Variants in NUDCD2 observed in about 807,000 individuals in gnomAD.
NUDCD2 encodes the protein NudC domain containing 2, also known as nudC domain-containing protein 2.
In NUDCD2, 16 loss-of-function variants were observed where a neutral mutation model predicts 20.8. The observed-to-expected ratio is 0.77, with a 90% CI of 0.52 to 1.17. NUDCD2 has a LOEUF of 1.17. Among genes scored for constraint, NUDCD2 ranks in the 50% most tolerant of loss-of-function variants. The probability of loss-of-function intolerance (pLI) is 0.00; values close to 1 mark genes in which losing one functional copy is unlikely to be tolerated. For synonymous variants in NUDCD2, 87 were observed against 72.8 expected, an observed-to-expected ratio of 1.20 and a Z score of -1.00; for missense variants, 199 against 193.9, an observed-to-expected ratio of 1.03 and a Z score of -0.16.
chr5:163,447,509 C>A lies in NUDCD2; in HGVS notation c.*6458G>T, dbSNP rs952146360. On this transcript the variant is annotated 3_prime_UTR_variant, in exon 4 of 4. Coordinates refer to ENST00000302764, the MANE Select transcript of NUDCD2 (RefSeq NM_145266.6). ...TTAAAAGGAGGACTGGACAAATCTT[C>A]ATTTACAGTTGGAAACTTAAACATT... The A allele has an allele frequency of 1.3e-5, 2 of 150,630 alleles. No individual in the cohort carries two copies. Among genetic ancestry groups the A allele is most frequent in the African/African-American group, 4.9e-5 (2 of 41,050 alleles). 9.3% of individuals were successfully genotyped at this position (150,630 alleles called of 1,614,324 possible).
chr5:163,454,469 G>A (rs781444458), intron 3 of NUDCD2, among the ~76,000 whole-genome samples: 1 of 152,102 alleles, frequency 6.6e-6, no homozygotes, highest in Admixed American at 6.5e-5. Flanking sequence ...AGCCTCCCGA[G>A]TAGCTGCGAT....
chr5:163,458,839 T>G (rs299288), intron 1 of NUDCD2, among the ~76,000 whole-genome samples: 41,101 of 151,952 alleles, frequency 0.27, 5,682 homozygotes, highest in East Asian at 0.5. Context: ...AAAACCATTG[T>G]TGAGGAAACT....
rs1758210280 is a variant in NUDCD2, at chr5:163,452,861, G to GA, written c.*1105dup. ...CTAAGTTGTAAAAGGAAACAAATGAGAATTTGTTCCAGAATGAAGTAAACT... is the reference window on the plus strand; with the variant it reads ...CTAAGTTGTAAAAGGAAACAAATGAGAAATTTGTTCCAGAATGAAGTAAACT... On this transcript the variant is annotated 3_prime_UTR_variant, in exon 4 of 4. Transcript: ENST00000302764. 6.6e-6 allele frequency: 1 copy of GA among 152,146 alleles called. No individual in the cohort carries two copies. 9.4% of individuals were successfully genotyped at this position (152,146 alleles called of 1,614,324 possible).
rs1344225778 is a variant in NUDCD2, at chr5:163,448,983, A to G, written c.*4984T>C. ...CAAAGGGAATTTAAGAAAAGCCTAC[A>G]GCTTGCATACATAATGGTCAAAAAC... On this transcript the variant is annotated 3_prime_UTR_variant, in exon 4 of 4. Transcript: ENST00000302764. 4 of 152,238 alleles carry G rather than the reference A, an allele frequency of 2.6e-5. No homozygotes were observed. Among genetic ancestry groups the G allele is most frequent in the East Asian group, 3.8e-4 (2 of 5,202 alleles). 9.4% of individuals were successfully genotyped at this position (152,238 alleles called of 1,614,324 possible). A position where few individuals can be genotyped will look rare whatever the true frequency, so the allele number is the denominator to read the frequency against.
Position 163,446,991 on chromosome 5 carries a change from G to A in NUDCD2, c.*6976C>T, listed in dbSNP as rs1346269106. 1.3e-5 allele frequency: 2 copies of A among 152,224 alleles called. No homozygotes were observed. Among genetic ancestry groups the A allele is most frequent in the Non-Finnish European group, 1.5e-5 (1 of 68,054 alleles). 9.4% of individuals were successfully genotyped at this position (152,224 alleles called of 1,614,324 possible). A position where few individuals can be genotyped will look rare whatever the true frequency, so the allele number is the denominator to read the frequency against. ...ACTGCTCTCCAACCTGGGCAACAGA[G>A]TGAGGCTCTTGTCTCAAAAAATAAA... On this transcript the variant is annotated 3_prime_UTR_variant, in exon 4 of 4. Transcript: ENST00000302764.
At chr5:163,457,274 G>A (rs1030274454) in intron 2 of NUDCD2, among the ~76,000 whole-genome samples, 194 bp from the exon 3 acceptor site, 4 of 152,058 alleles carry the variant, frequency 2.6e-5, no homozygotes, top group African/African-American at 9.6e-5. Context: ...TGGGAATACA[G>A]GCATGCGCCA....
Position 163,457,624 on chromosome 5 carries a change from AT to A in NUDCD2, c.190-15del, listed in dbSNP as rs1193554783. ...AAAGAGTTTGCCCTGAAAAATAAAC[AT>A]ATAAGGTGCTAAAAATACAGAATTT... On this transcript the variant is annotated splice_polypyrimidine_tract_variant and intron_variant, in intron 1 of 3. Coordinates refer to ENST00000302764, the MANE Select transcript of NUDCD2 (RefSeq NM_145266.6). The A allele has an allele frequency of 6.6e-7, 1 of 1,526,008 alleles. No homozygotes were observed. Among genetic ancestry groups the A allele is most frequent in the Non-Finnish European group, 9.1e-7 (1 of 1,104,898 alleles). 94.5% of individuals were successfully genotyped at this position (1,526,008 alleles called of 1,614,324 possible).
At position 163,449,681 on chromosome 5, in the gene NUDCD2, T is replaced by C. The variant is rs1204148084; in HGVS notation, c.*4286A>G. 6.6e-6 allele frequency: 1 copy of C among 152,182 alleles called. No individual in the cohort carries two copies. Among genetic ancestry groups the C allele is most frequent in the Non-Finnish European group, 1.5e-5 (1 of 68,034 alleles). The allele number at this position is 152,182 out of a possible 1,614,324, so 9.4% of individuals were successfully genotyped here. On this transcript the variant is annotated 3_prime_UTR_variant, in exon 4 of 4. Coordinates refer to ENST00000302764, the MANE Select transcript of NUDCD2 (RefSeq NM_145266.6). ...CCAGTTTTAAGACTTACTATAAAGC[T>C]GTGATAATCAAGGCAATCTGGTATT... is the stretch of plus-strand genomic sequence containing the variant.
intron 3 of NUDCD2, 40 bp from the exon 4 acceptor site, chr5:163,454,090 T>C (rs767518613): frequency 9.3e-6 from 10 of 1,070,812 alleles, no homozygotes; most frequent in Middle Eastern, 4.9e-4. Context: ...ATAAAACTTA[T>C]AAGGAAAAAT....
At chr5:163,455,759 C>T (rs1758291024) in intron 3 of NUDCD2, among the ~76,000 whole-genome samples, 2 of 150,650 alleles carry the variant, frequency 1.3e-5, no homozygotes, top group Admixed American at 1.3e-4. Context: ...AAAAGAACTG[C>T]TCTAACTGCT....
In NUDCD2 at chr5:163,453,052, CA is replaced by C. The variant is rs1758216157; in HGVS notation, c.*914del. Reference sequence around the variant, plus strand: ...CTGATTCTAATGGTTGCATTGTAGTCATGTAAGATAATTTGAAGCAGATAGT... The same window carrying C: ...CTGATTCTAATGGTTGCATTGTAGTCTGTAAGATAATTTGAAGCAGATAGT... On this transcript the variant is annotated 3_prime_UTR_variant, in exon 4 of 4. Transcript: ENST00000302764. 3 of 152,226 alleles carry C rather than the reference CA, an allele frequency of 2.0e-5. No homozygotes were observed. Among genetic ancestry groups the C allele is most frequent in the African/African-American group, 7.2e-5 (3 of 41,538 alleles). The allele number at this position is 152,226 out of a possible 1,614,324, so 9.4% of individuals were successfully genotyped here.
intron 3 of NUDCD2, among the ~76,000 whole-genome samples, chr5:163,454,696 T>A (rs1180657925): frequency 6.6e-6 from 1 of 152,206 alleles, no homozygotes; most frequent in Non-Finnish European, 1.5e-5. Context: ...CTAAGAGCTA[T>A]ACATATATAA....
intron 3 of NUDCD2, among the ~76,000 whole-genome samples, chr5:163,455,398 T>TG (rs1461199215): frequency 1.3e-5 from 2 of 152,190 alleles, no homozygotes; most frequent in Non-Finnish European, 2.9e-5. Context: ...ATGGAATAAC[T>TG]GATCAGAAAG....
At position 163,460,095 on chromosome 5, in the gene NUDCD2, G is replaced by A. The variant is rs752716608; in HGVS notation, c.-45C>T. 4.7e-6 allele frequency: 7 copies of A among 1,491,978 alleles called. No homozygotes were observed. The highest frequency in any genetic ancestry group is 6.3e-6 in the Non-Finnish European group (7 of 1,118,900). The allele number at this position is 1,491,978 out of a possible 1,614,324, so 92.4% of individuals were successfully genotyped here. On this transcript the variant is annotated 5_prime_UTR_variant, in exon 1 of 4. Coordinates refer to ENST00000302764, the MANE Select transcript of NUDCD2 (RefSeq NM_145266.6). Reference sequence around the variant, plus strand: ...GCGGCCGCACCAGGCGGAGCCGAGCGCACGCGCGGAATCCCACGCTTAGGC... The same window carrying A: ...GCGGCCGCACCAGGCGGAGCCGAGCACACGCGCGGAATCCCACGCTTAGGC...
rs1161156099 is a variant in NUDCD2 at position 163,453,871 on chromosome 5, T to A, written c.*96A>T. 5.4e-6 allele frequency: 3 copies of A among 559,120 alleles called. No individual in the cohort carries two copies. Among genetic ancestry groups the A allele is most frequent in the African/African-American group, 1.9e-5 (1 of 52,170 alleles). The allele number at this position is 559,120 out of a possible 1,614,324, so 34.6% of individuals were successfully genotyped here. A position where few individuals can be genotyped will look rare whatever the true frequency, so the allele number is the denominator to read the frequency against. On this transcript the variant is annotated 3_prime_UTR_variant, in exon 4 of 4. Coordinates refer to ENST00000302764, the MANE Select transcript of NUDCD2 (RefSeq NM_145266.6). ...AAGATACATTTTGCAATCTGTTAAC[T>A]GTAGGCATCCGCATTTTTCTTCCAT...
intron 2 of NUDCD2, 79 bp downstream of exon 2, chr5:163,457,483 A>G (rs1182788153): frequency 2.0e-5 from 18 of 885,236 alleles, no homozygotes; most frequent in Non-Finnish European, 2.8e-5. Flanking sequence ...TGCAAAGACA[A>G]AAAAGACCTA....
At chr5:163,458,939 T>C (rs919991320) in intron 1 of NUDCD2, 2 of 152,210 alleles carry the variant, frequency 1.3e-5, no homozygotes, top group East Asian at 3.9e-4. Flanking sequence ...CACCTCCATA[T>C]ACTGTAATAT....
intron 1 of NUDCD2, among the ~76,000 whole-genome samples, chr5:163,458,006 T>G (rs1758369507): frequency 9.8e-6 from 1 of 102,420 alleles, no homozygotes. Context: ...TTTTTTTTTT[T>G]GAGACAGAGT....
intron 1 of NUDCD2, chr5:163,459,576 T>G (rs1394203070): frequency 4.4e-6 from 1 of 228,412 alleles, no homozygotes; most frequent in Non-Finnish European, 8.5e-6. Flanking sequence ...TATTTGTTCC[T>G]TTAGCAACCT....
Sources: gnomAD v4.1 joint callset for allele counts (sites outside exome capture counted in the v4.1 genomes callset) on GRCh38, gnomAD v4.1.1 for gene constraint, MANE v1.5 for transcripts, NCBI Gene and HGNC (gene_info 2026-07-23, HGNC 2026-07-21) for gene names.